HACD2: variants seen among roughly 807,000 people sequenced by gnomAD.
HACD2 encodes very-long-chain (3R)-3-hydroxyacyl-CoA dehydratase 2.
Under a neutral mutation model 31.0 loss-of-function variants are expected in HACD2, and 15 were observed. That is an observed-to-expected ratio of 0.48 (90% CI 0.32 to 0.75). The LOEUF (loss-of-function observed/expected upper bound fraction) is 0.75, where lower values mean the gene tolerates loss of function less well. Among genes scored for constraint, HACD2 ranks in the 30% least tolerant of loss-of-function variants. The probability of loss-of-function intolerance (pLI) is 0.03; values close to 1 mark genes in which losing one functional copy is unlikely to be tolerated. For synonymous variants in HACD2, 115 were observed against 122.2 expected (o/e 0.94, Z 0.39); for missense variants, 283 against 313.0 (o/e 0.90, Z 0.72).
chr3:123,581,089 G>A (rs1251199506), intron 2 of HACD2, among the ~76,000 whole-genome samples: 1 of 152,014 alleles, frequency 6.6e-6, no homozygotes, highest in Non-Finnish European at 1.5e-5. Context: ...CAGAGTGCTG[G>A]GATTACAGGC....
chr3:123,580,555 G>A (rs1304967705), intron 2 of HACD2, among the ~76,000 whole-genome samples: 1 of 152,018 alleles, frequency 6.6e-6, no homozygotes, highest in Non-Finnish European at 1.5e-5. Flanking sequence ...AGGCTGAGAT[G>A]GGAAGATTGC....
intron 3 of HACD2, among the ~76,000 whole-genome samples, chr3:123,539,814 C>T (rs974713840): frequency 5.0e-5 from 7 of 139,432 alleles, no homozygotes; most frequent in East Asian, 2.3e-4. Flanking sequence ...GGGCTGGGCG[C>T]GGTGGCTCAT....
chr3:123,574,298 T>C (rs1242484729), intron 2 of HACD2, among the ~76,000 whole-genome samples: 1 of 152,232 alleles, frequency 6.6e-6, no homozygotes, highest in Non-Finnish European at 1.5e-5. Flanking sequence ...TAGTCCTGCT[T>C]TTCTTGACAC....
At chr3:123,545,756 G>C (rs1034682019) in intron 3 of HACD2, among the ~76,000 whole-genome samples, 3 of 148,002 alleles carry the variant, frequency 2.0e-5, no homozygotes, top group African/African-American at 7.5e-5. Flanking sequence ...TTGTCGCTCA[G>C]GCTGGAGTGC....
chr3:123,530,859 C>G (rs2056351690), intron 3 of HACD2, among the ~76,000 whole-genome samples: 1 of 151,970 alleles, frequency 6.6e-6, no homozygotes, highest in East Asian at 1.9e-4. Flanking sequence ...GCTAAAGTAA[C>G]TTTTTGTTGT....
At chr3:123,549,869 G>T (rs1486116247) in intron 3 of HACD2, among the ~76,000 whole-genome samples, 1 of 139,066 alleles carries the variant, frequency 7.2e-6, no homozygotes, top group Non-Finnish European at 1.7e-5. Context: ...GGATTTCTGG[G>T]GGTGTTTTCT....
intron 4 of HACD2, among the ~76,000 whole-genome samples, chr3:123,507,987 C>A (rs967194732): frequency 1.3e-5 from 2 of 150,196 alleles, no homozygotes; most frequent in African/African-American, 4.9e-5. Flanking sequence ...ATAGTGAGAC[C>A]CCCCCTCTCT....
At chr3:123,513,511 C>G (rs2056089989) in intron 4 of HACD2, among the ~76,000 whole-genome samples, 1 of 152,128 alleles carries the variant, frequency 6.6e-6, no homozygotes, top group Non-Finnish European at 1.5e-5. Flanking sequence ...AATTGGTTAT[C>G]AGGGAACGCT....
intron 2 of HACD2, among the ~76,000 whole-genome samples, chr3:123,571,218 G>A (rs939604601): frequency 7.9e-5 from 12 of 152,184 alleles, no homozygotes; most frequent in African/African-American, 1.2e-4. Flanking sequence ...TAAGCTTCTC[G>A]TTTCATACCA....
At position 123,525,481 on chromosome 3, in the gene HACD2, A is replaced by C. The variant is rs559509096; in HGVS notation, c.381+2905T>G. On this transcript the variant is annotated intron_variant, in intron 4 of 6. Coordinates refer to ENST00000383657, the MANE Select transcript of HACD2 (RefSeq NM_198402.5). ...AGCATTCCAAAGGGTAGAGAATTAA[A>C]ATGACAAGCAATGATGCATGTCCCA... Among the ~76,000 whole-genome samples, 337 of 152,324 alleles carry C rather than the reference A, an allele frequency of 2.2e-3. 1 individual carries two copies. The highest frequency in any genetic ancestry group is 7.9e-3 in the African/African-American group (329 of 41,578).
At chr3:123,584,186 TG>T (rs547298454) in intron 1 of HACD2, among the ~76,000 whole-genome samples, 2 of 152,230 alleles carry the variant, frequency 1.3e-5, no homozygotes, top group South Asian at 4.2e-4. Context: ...TGGCAGAGCT[TG>T]AACTAAAAAC....
intron 3 of HACD2, among the ~76,000 whole-genome samples, chr3:123,535,360 G>A (rs931426917): frequency 2.0e-5 from 3 of 152,136 alleles, no homozygotes; most frequent in African/African-American, 7.2e-5. Flanking sequence ...GATAACAAGA[G>A]AAATCAGATC....
rs552683770 is a variant in HACD2 at position 123,532,184 on chromosome 3, T to C, written c.293-3710A>G. On this transcript the variant is annotated intron_variant, in intron 3 of 6. Transcript: ENST00000383657. ...ATCAATACTTTCTAATTGAAGTAGA[T>C]GTCAAGATGTTTCTGGCCTTGCCTG... 3.9e-5 allele frequency among the ~76,000 whole-genome samples: 6 copies of C among 152,358 alleles called. No homozygotes were observed. The East Asian group carries it at 1.2e-3, about 29-fold the overall frequency.
intron 5 of HACD2, 32 bp downstream of exon 5, chr3:123,502,527 CA>C: frequency 6.2e-7 from 1 of 1,603,500 alleles, no homozygotes; most frequent in Non-Finnish European, 8.5e-7. Context: ...CAGATCATTT[CA>C]AAAGTGAGCC....
intron 3 of HACD2, among the ~76,000 whole-genome samples, chr3:123,529,586 G>A (rs1402835484): frequency 2.0e-5 from 3 of 152,070 alleles, no homozygotes; most frequent in Non-Finnish European, 2.9e-5. Context: ...ATATTAGCTC[G>A]CCATGGTAGC....
At chr3:123,530,658 T>C (rs1287541670) in intron 3 of HACD2, among the ~76,000 whole-genome samples, 3 of 151,708 alleles carry the variant, frequency 2.0e-5, no homozygotes, top group African/African-American at 7.3e-5. Context: ...CCGCCTGCCT[T>C]GGCCTCCCAA....
intron 3 of HACD2, among the ~76,000 whole-genome samples, chr3:123,543,163 T>A (rs2056514419): frequency 6.6e-6 from 1 of 152,188 alleles, no homozygotes; most frequent in Non-Finnish European, 1.5e-5. Flanking sequence ...TTAAACTGGA[T>A]TTCCCCCCCT....
At chr3:123,570,866 C>T (rs764166240) in intron 2 of HACD2, among the ~76,000 whole-genome samples, 34 of 150,698 alleles carry the variant, frequency 2.3e-4, no homozygotes, top group East Asian at 2.0e-4. Context: ...AAACAGAAGA[C>T]GAGCTATCCC....
At chr3:123,546,182 T>C (rs2107726230) in intron 3 of HACD2, among the ~76,000 whole-genome samples, 1 of 152,330 alleles carries the variant, frequency 6.6e-6, no homozygotes, top group East Asian at 1.9e-4. Flanking sequence ...CTCTGTGTTT[T>C]TGCTTCTGGA....
Sources: allele counts gnomAD v4.1 joint callset (sites outside exome capture counted in the v4.1 genomes callset), GRCh38; gene constraint gnomAD v4.1.1; transcripts MANE v1.5; gene names NCBI Gene and HGNC (gene_info 2026-07-23, HGNC 2026-07-21).